UNC13C: variants seen among roughly 807,000 people sequenced by gnomAD.
UNC13C encodes the protein unc-13 homolog C.
In UNC13C, 174 loss-of-function variants were observed where a neutral mutation model predicts 245.4. That is an observed-to-expected ratio of 0.71 (90% CI 0.63 to 0.80). The LOEUF (loss-of-function observed/expected upper bound fraction) is 0.80, where lower values mean the gene tolerates loss of function less well. Ranked by LOEUF, UNC13C falls within the 30% of genes least tolerant of loss-of-function variation. The pLI is 0.00. For synonymous variants in UNC13C, 992 were observed against 895.1 expected (o/e 1.11, Z -1.93); for missense variants, 2,829 against 2,602.9 (o/e 1.09, Z -1.89).
intron 17 of UNC13C, among the ~76,000 whole-genome samples, chr15:54,354,662 G>A (rs548513977): frequency 1.4e-3 from 218 of 152,268 alleles, no homozygotes; most frequent in Non-Finnish European, 2.7e-3. Context: ...TTCCTTCAGT[G>A]ATAGTAAGAG....
chr15:54,445,803 C>T (rs1378719002), intron 19 of UNC13C, among the ~76,000 whole-genome samples: 1 of 152,148 alleles, frequency 6.6e-6, no homozygotes, highest in Non-Finnish European at 1.5e-5. Context: ...TTAATTGGAT[C>T]CCATTTGTCA....
In UNC13C at chr15:54,221,284, C is replaced by T. The variant is rs75088493; in HGVS notation, c.3072-13746C>T. Among the ~76,000 whole-genome samples the T allele has an allele frequency of 7.5e-3, 1,132 of 151,866 alleles. 19 individuals are homozygous for T. Among genetic ancestry groups the T allele is most frequent in the African/African-American group, 0.027 (1,102 of 41,426 alleles). ...ATAATGAAGAGAGATGGTGTTATAG[C>T]TCTGATGAAATATGAAATCAAAAAA... On this transcript the variant is annotated intron_variant, in intron 4 of 32. Coordinates refer to ENST00000260323, the MANE Select transcript of UNC13C (RefSeq NM_001080534.3).
At chr15:54,130,527 C>T (rs1311631667) in intron 2 of UNC13C, among the ~76,000 whole-genome samples, 3 of 151,918 alleles carry the variant, frequency 2.0e-5, no homozygotes, top group Non-Finnish European at 4.4e-5. Flanking sequence ...CTCCTGACCT[C>T]GTGATCCACC....
At chr15:54,260,867 A>G (rs1279817429) in intron 8 of UNC13C, among the ~76,000 whole-genome samples, 1 of 151,624 alleles carries the variant, frequency 6.6e-6, no homozygotes, top group Non-Finnish European at 1.5e-5. Flanking sequence ...AAACACAAAA[A>G]TTGTAAATTG....
At chr15:54,338,538 T>C in intron 17 of UNC13C, 49 bp downstream of exon 17, 3 of 1,598,838 alleles carry the variant, frequency 1.9e-6, no homozygotes, top group African/African-American at 1.3e-5. Context: ...GTTTCTAGTA[T>C]CTGTTTCCAT....
intron 1 of UNC13C, among the ~76,000 whole-genome samples, chr15:53,990,366 G>A (rs1247154496): frequency 6.6e-6 from 1 of 151,938 alleles, no homozygotes; most frequent in Non-Finnish European, 1.5e-5. Flanking sequence ...CAAAGTTTAG[G>A]AAGATTAAAT....
At chr15:54,501,151 T>A (rs1373630594) in intron 22 of UNC13C, among the ~76,000 whole-genome samples, 173 bp downstream of exon 22, 1 of 152,154 alleles carries the variant, frequency 6.6e-6, no homozygotes, top group Non-Finnish European at 1.5e-5. Context: ...ACTTCCTGTT[T>A]CTTTAATATG....
At chr15:53,973,822 A>G (rs1475952388), upstream of UNC13C, among the ~76,000 whole-genome samples, 1 of 152,176 alleles carries the variant, frequency 6.6e-6, no homozygotes, top group Non-Finnish European at 1.5e-5. Context: ...TCCAAAGTCT[A>G]ACAATCATTA....
At position 53,983,337 on chromosome 15, in the gene UNC13C, A is replaced by C. The variant is rs575828475; in HGVS notation, c.-257+4410A>C. Among the ~76,000 whole-genome samples, 6 of 152,050 alleles carry C rather than the reference A, an allele frequency of 3.9e-5. No homozygotes were observed. In the East Asian group the frequency reaches 1.2e-3, roughly 29 times the overall value. ...CACACTCAATGAGAATATGTTAGAC[A>C]AAAGAGGGCTGCAGGGAGCTCTCGT... On this transcript the variant is annotated intron_variant, in intron 1 of 32. Coordinates refer to ENST00000260323, the MANE Select transcript of UNC13C (RefSeq NM_001080534.3).
intron 2 of UNC13C, among the ~76,000 whole-genome samples, chr15:54,037,940 GT>G (rs1896640219): frequency 6.7e-6 from 1 of 150,186 alleles, no homozygotes; most frequent in Admixed American, 6.6e-5. Flanking sequence ...AGCAATGGAG[GT>G]TTTTTGCTGT....
chr15:54,013,841 G>A lies in UNC13C; in HGVS notation c.938G>A (p.Gly313Asp). 1 of 1,613,364 alleles carries A rather than the reference G, an allele frequency of 6.2e-7. No homozygotes were observed. Among genetic ancestry groups the A allele is most frequent in the Non-Finnish European group, 8.5e-7 (1 of 1,179,660 alleles). Reference sequence around the variant, plus strand: ...ATCCATGATTATATTAAGCACTTAGGTCATATGGGTAGCAAGGCAAGCCTG... The same window carrying A: ...ATCCATGATTATATTAAGCACTTAGATCATATGGGTAGCAAGGCAAGCCTG... Reference protein sequence around the residue: ...RDIHDYIKHLGHMGSKASLRF... With the variant: ...RDIHDYIKHLDHMGSKASLRF... Residue 313 changes from glycine (G) to aspartate (D), a missense_variant, in exon 2 of 33, where the codon GGT becomes GAT. By Grantham distance (94) the Gly-to-Asp change is moderately conservative. Coordinates refer to ENST00000260323, the MANE Select transcript of UNC13C (RefSeq NM_001080534.3).
intron 30 of UNC13C, among the ~76,000 whole-genome samples, chr15:54,607,882 G>T (rs6493694): frequency 0.61 from 92,069 of 151,962 alleles, 28,257 homozygotes; most frequent in Middle Eastern, 0.69. Context: ...CAACACTGGG[G>T]ATTACAATTC....
intron 19 of UNC13C, among the ~76,000 whole-genome samples, chr15:54,427,437 A>G (rs1267806141): frequency 6.6e-6 from 1 of 151,812 alleles, no homozygotes; most frequent in Non-Finnish European, 1.5e-5. Flanking sequence ...TATAAGTCCA[A>G]TTAAGCCTCT....
chr15:54,049,367 C>T (rs1897177355), intron 2 of UNC13C: 1 of 513,460 alleles, frequency 1.9e-6, no homozygotes, highest in African/African-American at 2.0e-5. Flanking sequence ...TGTCTTTCTG[C>T]CTGCAGGATA....
intron 4 of UNC13C, among the ~76,000 whole-genome samples, chr15:54,223,511 G>C (rs546288156): frequency 5.0e-4 from 76 of 152,118 alleles, no homozygotes; most frequent in Non-Finnish European, 9.0e-4. Context: ...AGAATAATTG[G>C]AAGTCAGATA....
chr15:54,125,299 T>G (rs922236327), intron 2 of UNC13C, among the ~76,000 whole-genome samples: 5 of 152,012 alleles, frequency 3.3e-5, no homozygotes, highest in Non-Finnish European at 7.4e-5. Flanking sequence ...TTGTCTCTAA[T>G]AAAAATACAA....
the UNC13C span, among the ~76,000 whole-genome samples, chr15:53,896,786 C>T: frequency 5.3e-5 from 8 of 152,046 alleles, no homozygotes; most frequent in Non-Finnish European, 1.0e-4. Flanking sequence ...TTAGCAATTC[C>T]TTTTTTATTA....
chr15:53,919,101 C>T, the UNC13C span, among the ~76,000 whole-genome samples: 1 of 152,108 alleles, frequency 6.6e-6, no homozygotes, highest in African/African-American at 2.4e-5. Context: ...TTTGCAGACT[C>T]ACATTTTCAT....
At chr15:54,150,049 A>G (rs1429482726) in intron 4 of UNC13C, among the ~76,000 whole-genome samples, 1 of 152,210 alleles carries the variant, frequency 6.6e-6, no homozygotes, top group Admixed American at 6.5e-5. Context: ...ATAACTTTAT[A>G]GCTCTTTTCA....
Sources: gnomAD v4.1 joint callset for allele counts (sites outside exome capture counted in the v4.1 genomes callset) on GRCh38, gnomAD v4.1.1 for gene constraint, MANE v1.5 for transcripts, NCBI Gene and HGNC (gene_info 2026-07-23, HGNC 2026-07-21) for gene names.